The following NLK variants were observed in gnomAD, a reference collection of about 807,000 sequenced individuals.
NLK encodes serine/threonine-protein kinase NLK.
Under a neutral mutation model 59.0 loss-of-function variants are expected in NLK, and 11 were observed. The observed-to-expected ratio is 0.19, with a 90% CI of 0.12 to 0.31. The LOEUF is 0.31. Among genes scored for constraint, NLK ranks in the 10% least tolerant of loss-of-function variants. NLK has a pLI of 1.00. For missense variants in NLK, 410 were observed against 661.1 expected (o/e 0.62, Z 4.16); for synonymous variants, 235 against 235.9 (o/e 1.00, Z 0.03).
At chr17:28,153,945 T>C (rs1363979799) in intron 3 of NLK, among the ~76,000 whole-genome samples, 9 of 152,232 alleles carry the variant, frequency 5.9e-5, no homozygotes, top group Non-Finnish European at 1.3e-4. Flanking sequence ...AGGAACAATT[T>C]GCTGTCAGTC....
intron 8 of NLK, among the ~76,000 whole-genome samples, chr17:28,185,750 G>T (rs1404346131): frequency 1.3e-5 from 2 of 152,198 alleles, no homozygotes; most frequent in Admixed American, 6.5e-5. Flanking sequence ...TATTGCCCAG[G>T]CTGGTTTGAA....
At chr17:28,187,145 G>A (rs1909148630) in intron 8 of NLK, among the ~76,000 whole-genome samples, 1 of 152,134 alleles carries the variant, frequency 6.6e-6, no homozygotes, top group Admixed American at 6.5e-5. Flanking sequence ...AAAGGGTCTA[G>A]GATTGAAATT....
At chr17:28,087,450 G>A (rs968559280) in intron 1 of NLK, among the ~76,000 whole-genome samples, 2 of 152,166 alleles carry the variant, frequency 1.3e-5, no homozygotes, top group African/African-American at 4.8e-5. Flanking sequence ...CTGTAGAAAT[G>A]CTAATCATTC....
At chr17:28,132,179 A>G (rs983668415) in intron 2 of NLK, among the ~76,000 whole-genome samples, 5 of 152,138 alleles carry the variant, frequency 3.3e-5, no homozygotes, top group Non-Finnish European at 5.9e-5. Context: ...TTCTGTAGTC[A>G]TGAGAGCAGG....
Position 28,168,657 on chromosome 17 carries a change from G to C in NLK, c.1047G>C (p.Gln349His). The change falls in exon 6 of 11, where the codon CAG (glutamine) becomes CAC (histidine). Residue 349 changes from glutamine (Q) to histidine (H), a missense_variant and splice_region_variant. Coordinates refer to ENST00000407008, the MANE Select transcript of NLK (RefSeq NM_016231.5). ...TTCAGGCACAGAGTCCCATTCAGCA[G>C]GTATGATTTCAATTTAAGGCTTTAG... The part of the protein sequence containing the change: ...ILFQAQSPIQ[Q>H]LDLITDLLGT... The C allele has an allele frequency of 6.2e-7, 1 of 1,611,570 alleles. No individual in the cohort carries two copies. Among genetic ancestry groups the C allele is most frequent in the Non-Finnish European group, 8.5e-7 (1 of 1,177,786 alleles).
At chr17:28,130,143 C>T (rs1285199845) in intron 2 of NLK, among the ~76,000 whole-genome samples, 2 of 152,054 alleles carry the variant, frequency 1.3e-5, no homozygotes, top group Admixed American at 6.6e-5. Flanking sequence ...TTTACAAGCA[C>T]GTATTTATAT....
intron 1 of NLK, among the ~76,000 whole-genome samples, chr17:28,096,639 A>G (rs1279389723): frequency 2.0e-5 from 3 of 152,182 alleles, no homozygotes; most frequent in Non-Finnish European, 2.9e-5. Flanking sequence ...ATTGCTGTAA[A>G]TTAATCAAAG....
intron 3 of NLK, 81 bp from the exon 4 acceptor site, chr17:28,161,079 A>C (rs1449410944): frequency 2.9e-5 from 22 of 748,778 alleles, no homozygotes; most frequent in Non-Finnish European, 5.2e-5. Flanking sequence ...TGAGAATGGA[A>C]GTTATTTTTT....
At chr17:28,066,543 GT>G (rs1426108804) in intron 1 of NLK, among the ~76,000 whole-genome samples, 6 of 152,108 alleles carry the variant, frequency 3.9e-5, no homozygotes, top group Non-Finnish European at 7.4e-5. Context: ...GTTGTTTGCA[GT>G]TTTTGGTTAT....
At chr17:28,071,909 G>C (rs1024716726) in intron 1 of NLK, among the ~76,000 whole-genome samples, 1 of 152,226 alleles carries the variant, frequency 6.6e-6, no homozygotes, top group Non-Finnish European at 1.5e-5. Context: ...GGGATGAAAA[G>C]GGCTTGGAGT....
intron 1 of NLK, among the ~76,000 whole-genome samples, chr17:28,060,305 C>T (rs1296624219): frequency 1.3e-5 from 2 of 151,958 alleles, no homozygotes; most frequent in African/African-American, 4.8e-5. Context: ...TCTATGAAGA[C>T]ATCTAAGATG....
chr17:28,150,969 A>G (rs1007628445), intron 3 of NLK, among the ~76,000 whole-genome samples: 1 of 152,178 alleles, frequency 6.6e-6, no homozygotes, highest in African/African-American at 2.4e-5. Flanking sequence ...CCCAGTGGGT[A>G]CACCAGCTGT....
At chr17:28,184,148 A>G (rs1476885317) in intron 7 of NLK, among the ~76,000 whole-genome samples, 2 of 152,214 alleles carry the variant, frequency 1.3e-5, no homozygotes, top group African/African-American at 2.4e-5. Context: ...GTGAGAAATC[A>G]ATGCTAAAGG....
intron 2 of NLK, among the ~76,000 whole-genome samples, chr17:28,124,253 A>G (rs1177689940): frequency 1.3e-5 from 2 of 152,236 alleles, no homozygotes; most frequent in African/African-American, 4.8e-5. Context: ...AGCCAGGGAC[A>G]ATGGCTGCAT....
At chr17:28,045,966 T>G (rs1052529706) in intron 1 of NLK, among the ~76,000 whole-genome samples, 4 of 152,244 alleles carry the variant, frequency 2.6e-5, no homozygotes, top group African/African-American at 9.6e-5. Flanking sequence ...CGGGGTATTA[T>G]AAGATTCACT....
chr17:28,142,532 G>A (rs560653088), intron 3 of NLK, among the ~76,000 whole-genome samples: 1 of 152,270 alleles, frequency 6.6e-6, no homozygotes, highest in African/African-American at 2.4e-5. Context: ...TGTTACAAGA[G>A]AACACAATGC....
At chr17:28,064,042 T>A (rs1008226858) in intron 1 of NLK, among the ~76,000 whole-genome samples, 1 of 152,150 alleles carries the variant, frequency 6.6e-6, no homozygotes, top group African/African-American at 2.4e-5. Flanking sequence ...TGCAACACTT[T>A]TAGTGATAAT....
chr17:28,146,060 T>TTTTTTTGC (rs1386999869), intron 3 of NLK, among the ~76,000 whole-genome samples: 16 of 152,148 alleles, frequency 1.1e-4, no homozygotes, highest in Non-Finnish European at 1.5e-4. Context: ...ATTCTTTTGC[T>TTTTTTTGC]TTTTTCCCTG....
chr17:28,077,750 T>C (rs1185760300), intron 1 of NLK, among the ~76,000 whole-genome samples: 2 of 152,228 alleles, frequency 1.3e-5, no homozygotes, highest in African/African-American at 4.8e-5. Flanking sequence ...TTGGAAACTT[T>C]AGCTTCTTTT....
Sources: allele counts gnomAD v4.1 joint callset (sites outside exome capture counted in the v4.1 genomes callset), GRCh38; gene constraint gnomAD v4.1.1; transcripts MANE v1.5; gene names NCBI Gene and HGNC (gene_info 2026-07-23, HGNC 2026-07-21).